LRRC27: variants seen among roughly 807,000 people sequenced by gnomAD.
LRRC27 encodes the protein leucine-rich repeat-containing protein 27.
LRRC27 carries 57 observed loss-of-function variants against 55.0 expected under a neutral mutation model. The observed-to-expected ratio is 1.04, with a 90% CI of 0.84 to 1.29. The LOEUF is 1.29. Ranked by LOEUF, LRRC27 falls within the 50% of genes most tolerant of loss-of-function variation. The pLI is 0.00. For synonymous variants in LRRC27, 278 were observed against 251.9 expected (o/e 1.10, Z -0.98); for missense variants, 721 against 651.5 (o/e 1.11, Z -1.16).
intron 1 of LRRC27, 185 bp downstream of exon 1, chr10:132,332,441 G>A (rs2066828562): frequency 6.6e-6 from 1 of 152,318 alleles, no homozygotes; most frequent in Non-Finnish European, 1.5e-5. Flanking sequence ...TCGCCCGGAT[G>A]GGGAAATCGA....
chr10:132,364,469 ACTT>A (rs2068865598), intron 9 of LRRC27, among the ~76,000 whole-genome samples: 3 of 120,728 alleles, frequency 2.5e-5, no homozygotes, highest in African/African-American at 3.5e-5. Flanking sequence ...ACCCACCCAC[ACTT>A]ACACCCACCC....
chr10:132,357,537 A>G (rs1384852675), intron 8 of LRRC27, among the ~76,000 whole-genome samples: 1 of 152,180 alleles, frequency 6.6e-6, no homozygotes, highest in Non-Finnish European at 1.5e-5. Context: ...TGAAGAAATC[A>G]CTGTAAGTTA....
chr10:132,340,208 G>A (rs183826078), intron 3 of LRRC27, among the ~76,000 whole-genome samples: 20 of 152,144 alleles, frequency 1.3e-4, no homozygotes, highest in East Asian at 1.9e-4. Flanking sequence ...ACGAATCAAC[G>A]GGTAAGCTTT....
At chr10:132,331,703 C>T (rs749246277), upstream of LRRC27, 2 of 1,612,626 alleles carry the variant, frequency 1.2e-6, no homozygotes, top group African/African-American at 2.7e-5. Flanking sequence ...CCGCCCGCCC[C>T]GGGCCCTCCG....
At position 132,381,121 on chromosome 10, in the gene LRRC27, A is replaced by G. The variant is rs2069405747; in HGVS notation, c.*5879A>G. 6.6e-6 allele frequency among the ~76,000 whole-genome samples: 1 copy of G among 152,254 alleles called. No homozygotes were observed. ...ACATTTGAGTCAGTGGACTGGGAGA[A>G]GACCCACCACAGTGTGGGCAGGCAC... On this transcript the variant is annotated 3_prime_UTR_variant, in exon 11 of 11. Transcript: ENST00000368614.
chr10:132,371,240 C>T (rs1157241898), intron 10 of LRRC27, among the ~76,000 whole-genome samples: 1 of 152,244 alleles, frequency 6.6e-6, no homozygotes, highest in Non-Finnish European at 1.5e-5. Flanking sequence ...CCCCCCCATG[C>T]ACCCGGGAGC....
At chr10:132,345,301 G>A (rs2067624865) in intron 5 of LRRC27, among the ~76,000 whole-genome samples, 1 of 152,092 alleles carries the variant, frequency 6.6e-6, no homozygotes, top group African/African-American at 2.4e-5. Flanking sequence ...TATTTGTGAT[G>A]TACTTTGATA....
At chr10:132,337,284 G>A (rs1289017639) in intron 2 of LRRC27, 1 of 1,238,960 alleles carries the variant, frequency 8.1e-7, no homozygotes, top group Admixed American at 4.1e-5. Flanking sequence ...AAAGGCTTTG[G>A]GATAGAAACA....
Position 132,339,205 on chromosome 10 carries a change from C to T in LRRC27, c.341+1510C>T, listed in dbSNP as rs892416679. Among the ~76,000 whole-genome samples, 6 of 152,166 alleles carry T rather than the reference C, an allele frequency of 3.9e-5. No homozygotes were observed. In the East Asian group the frequency reaches 5.8e-4, roughly 15 times the overall value. The stretch of plus-strand genomic sequence containing the variant: ...GTATCCAGGGTGCCCCCAGTTCCTA[C>T]GTGAGGAATGGTGTCTCCCAAGAGC... On this transcript the variant is annotated intron_variant, in intron 3 of 10. Transcript: ENST00000368614.
chr10:132,371,414 A>G (rs1227428073), intron 10 of LRRC27, among the ~76,000 whole-genome samples: 1 of 152,230 alleles, frequency 6.6e-6, no homozygotes, highest in Non-Finnish European at 1.5e-5. Flanking sequence ...AAAGCAAACC[A>G]GCCAACAGAC....
At chr10:132,358,986 C>T (rs111592830) in intron 8 of LRRC27, among the ~76,000 whole-genome samples, 37 of 34,312 alleles carry the variant, frequency 1.1e-3, no homozygotes, top group Non-Finnish European at 1.7e-3. Flanking sequence ...GGTGGTGGAG[C>T]GTGGGAAGGA....
intron 6 of LRRC27, among the ~76,000 whole-genome samples, chr10:132,349,317 C>T (rs371525423): frequency 1.2e-4 from 18 of 152,250 alleles, no homozygotes; most frequent in African/African-American, 2.6e-4. Flanking sequence ...CAGACCTTCC[C>T]GGAGGTGTTG....
intron 7 of LRRC27, among the ~76,000 whole-genome samples, chr10:132,352,187 G>A (rs1456814950): frequency 9.3e-6 from 1 of 107,570 alleles, no homozygotes; most frequent in African/African-American, 3.4e-5. Context: ...TGAGGCCTCC[G>A]TGTGGGGCAG....
chr10:132,354,475 C>T (rs995757569), intron 7 of LRRC27, among the ~76,000 whole-genome samples: 2 of 152,144 alleles, frequency 1.3e-5, no homozygotes, highest in Admixed American at 6.5e-5. Context: ...AGTGGGGACA[C>T]GGGGGGCACC....
At chr10:132,366,987 C>CT (rs750404091) in intron 10 of LRRC27, 10 of 1,245,720 alleles carry the variant, frequency 8.0e-6, no homozygotes, top group Non-Finnish European at 1.0e-5. Context: ...TAGATAAACT[C>CT]TTATTCTTTC....
At chr10:132,357,223 C>G (rs2068350398) in intron 8 of LRRC27, among the ~76,000 whole-genome samples, 1 of 152,382 alleles carries the variant, frequency 6.6e-6, no homozygotes, top group Admixed American at 6.5e-5. Context: ...GACTGCATCT[C>G]ACCCTTCTCA....
chr10:132,369,993 C>A (rs2069177475), intron 10 of LRRC27, among the ~76,000 whole-genome samples: 1 of 152,132 alleles, frequency 6.6e-6, no homozygotes, highest in Non-Finnish European at 1.5e-5. Flanking sequence ...ACTTTCGTGC[C>A]ACCTAGGAGG....
chr10:132,357,835 G>C (rs1230003758), intron 8 of LRRC27, among the ~76,000 whole-genome samples: 2 of 152,250 alleles, frequency 1.3e-5, no homozygotes, highest in Admixed American at 1.3e-4. Flanking sequence ...GAGGGGACCA[G>C]GCACAGGCCC....
At chr10:132,351,833 G>A (rs1159557635) in intron 7 of LRRC27, 80 bp downstream of exon 7, 3 of 1,473,460 alleles carry the variant, frequency 2.0e-6, no homozygotes, top group Non-Finnish European at 1.8e-6. Context: ...TTTATGGCAG[G>A]CCTCGTGGAA....
Sources: gnomAD v4.1 joint callset for allele counts (sites outside exome capture counted in the v4.1 genomes callset) on GRCh38, gnomAD v4.1.1 for gene constraint, MANE v1.5 for transcripts, NCBI Gene and HGNC (gene_info 2026-07-23, HGNC 2026-07-21) for gene names.